The following LY6K variants were observed in gnomAD, a reference collection of about 807,000 sequenced individuals.
LY6K encodes lymphocyte antigen 6 family member K.
In LY6K, 9 loss-of-function variants were observed where a neutral mutation model predicts 10.4. The observed-to-expected ratio is 0.87, with a 90% confidence interval of 0.52 to 1.52. The LOEUF is 1.52. LY6K is among the 40% of genes most tolerant of loss of function. The pLI, the probability that LY6K is intolerant of heterozygous loss-of-function variation, is 0.00. For missense variants in LY6K, 217 were observed against 211.7 expected (o/e 1.02, Z -0.15); for synonymous variants, 98 against 83.7 (o/e 1.17, Z -0.94).
intron 1 of LY6K, 28 bp downstream of exon 1, chr8:142,700,658 C>T (rs1225300831): frequency 8.2e-6 from 12 of 1,471,836 alleles, no homozygotes; most frequent in Non-Finnish European, 1.1e-5. Context: ...TCCACAGCCA[C>T]GGGCCGAGAG....
Position 142,700,622 on chromosome 8 carries a change from A to G in LY6K, c.95A>G (p.Gln32Arg). The G allele has an allele frequency of 6.4e-7, 1 of 1,556,708 alleles. No homozygotes were observed. The highest frequency in any genetic ancestry group is 8.7e-7 in the Non-Finnish European group (1 of 1,153,122). ...AGACAACGAGATCCAGAGGACTCCC[A>G]GCGAACGGGTGAGCCTGGCTCGCCC... The part of the protein sequence containing the change: ...TARQRDPEDS[Q>R]RTDEGDNRVW... Residue 32 changes from glutamine (Q) to arginine (R), a missense_variant, in exon 1 of 3, where the codon CAG (glutamine) becomes CGG (arginine). Gln to Arg is a conservative substitution (Grantham distance 43). Transcript: ENST00000292430.
Position 142,700,480 on chromosome 8 carries a change from G to C in LY6K, c.-48G>C. On this transcript the variant is annotated 5_prime_UTR_variant, in exon 1 of 3. Coordinates refer to ENST00000292430, the MANE Select transcript of LY6K (RefSeq NM_017527.4). ...GAGGCTGCGAAGGTTCCAGAAGGGC[G>C]GGGAGGGGGCGCCGCGCGCTGACCC... The C allele has an allele frequency of 6.5e-7, 1 of 1,538,082 alleles. No individual in the cohort carries two copies. Among genetic ancestry groups the C allele is most frequent in the Non-Finnish European group, 8.7e-7 (1 of 1,144,982 alleles).
rs781807514 is a variant in LY6K, at chr8:142,700,320, C to T, written c.-208C>T. On this transcript the variant is annotated 5_prime_UTR_variant, in exon 1 of 3. Coordinates refer to ENST00000292430, the MANE Select transcript of LY6K (RefSeq NM_017527.4). ...AGCACAAGGCGGGACTCAGAACCGGCGTTCAGGGCCGCCAGCGGCCGCGAG... is the reference window on the plus strand; with the variant it reads ...AGCACAAGGCGGGACTCAGAACCGGTGTTCAGGGCCGCCAGCGGCCGCGAG... The T allele has an allele frequency of 9.2e-6, 12 of 1,299,072 alleles. No individual in the cohort carries two copies. The highest frequency in any genetic ancestry group is 4.2e-5 in the Admixed American group (1 of 23,834). The allele number at this position is 1,299,072 out of a possible 1,614,324, so 80.5% of individuals were successfully genotyped here. A position where few individuals can be genotyped will look rare whatever the true frequency, so the allele number is the denominator to read the frequency against.
Position 142,703,168 on chromosome 8 carries a change from G to C in LY6K, c.295G>C (p.Glu99Gln). 1 of 1,614,242 alleles carries C rather than the reference G, an allele frequency of 6.2e-7. No individual in the cohort carries two copies. Among genetic ancestry groups the C allele is most frequent in the Non-Finnish European group, 8.5e-7 (1 of 1,180,044 alleles). The change falls in exon 3 of 3, where the codon GAG (glutamate) becomes CAG (glutamine). Residue 99 changes from glutamate (E) to glutamine (Q), a missense_variant. Transcript: ENST00000292430. The part of the protein sequence containing the change: ...CAAMERPKPE[E>Q]KRFLLEEPMP... ...AGCGATGGAGAGACCCAAGCCAGAG[G>C]AGAAGCGGTTTCTCCTGGAAGAGCC...
chr8:142,701,018 G>A (rs1815002514), intron 1 of LY6K, among the ~76,000 whole-genome samples: 1 of 151,680 alleles, frequency 6.6e-6, no homozygotes, highest in Non-Finnish European at 1.5e-5. Context: ...GGGAGTCGGG[G>A]GGCAGGACCT....
Position 142,700,159 on chromosome 8 carries a change from C to A in LY6K, c.-369C>A. 1 of 237,916 alleles carries A rather than the reference C, an allele frequency of 4.2e-6. No homozygotes were observed. 14.7% of individuals were successfully genotyped at this position (237,916 alleles called of 1,614,324 possible). A position where few individuals can be genotyped will look rare whatever the true frequency, so the allele number is the denominator to read the frequency against. The stretch of plus-strand genomic sequence containing the variant: ...CTCTTCAGCGGAGAAGATCCCCTAC[C>A]TGGCCGCCGGCCACTTTCTGTGGGC... On this transcript the variant is annotated 5_prime_UTR_variant, in exon 1 of 3. It adds an upstream start codon to the 5' untranslated region. Coordinates refer to ENST00000292430, the MANE Select transcript of LY6K (RefSeq NM_017527.4).
chr8:142,702,621 T>A, intron 2 of LY6K: 1 of 1,534,138 alleles, frequency 6.5e-7, no homozygotes, highest in Non-Finnish European at 8.7e-7. Flanking sequence ...CCACATCGAC[T>A]TTATAACTTA....
chr8:142,702,685 C>G, intron 2 of LY6K: 2 of 1,512,276 alleles, frequency 1.3e-6, no homozygotes, highest in Non-Finnish European at 1.8e-6. Context: ...GGTCATGAGA[C>G]AAGACCCCCA....
rs1554640555 is a variant in LY6K at position 142,703,613 on chromosome 8, A to G, written c.*242A>G. On this transcript the variant is annotated 3_prime_UTR_variant, in exon 3 of 3. Coordinates refer to ENST00000292430, the MANE Select transcript of LY6K (RefSeq NM_017527.4). ...TTGGTGACAAGTTTTTCTCTTTGAAATCAAACCTTGTAACTCATTTATTGC... is the reference window on the plus strand; with the variant it reads ...TTGGTGACAAGTTTTTCTCTTTGAAGTCAAACCTTGTAACTCATTTATTGC... 3.8e-6 allele frequency: 2 copies of G among 533,196 alleles called. No individual in the cohort carries two copies. Among genetic ancestry groups the G allele is most frequent in the Non-Finnish European group, 6.6e-6 (2 of 302,744 alleles). The allele number at this position is 533,196 out of a possible 1,614,324, so 33.0% of individuals were successfully genotyped here. A position where few individuals can be genotyped will look rare whatever the true frequency, so the allele number is the denominator to read the frequency against.
Position 142,704,392 on chromosome 8 carries a change from C to T in LY6K, c.*1021C>T, listed in dbSNP as rs1554640650. On this transcript the variant is annotated 3_prime_UTR_variant, in exon 3 of 3. Coordinates refer to ENST00000292430, the MANE Select transcript of LY6K (RefSeq NM_017527.4). ...TTTAAAATTATAAAACAGAAGTAAC[C>T]AAATCAGGCCTGGAAGGTGTATGCC... 6.6e-6 allele frequency: 1 copy of T among 152,058 alleles called. No individual in the cohort carries two copies. Among genetic ancestry groups the T allele is most frequent in the Non-Finnish European group, 1.5e-5 (1 of 68,002 alleles). 9.4% of individuals were successfully genotyped at this position (152,058 alleles called of 1,614,324 possible). A position where few individuals can be genotyped will look rare whatever the true frequency, so the allele number is the denominator to read the frequency against.
At chr8:142,702,142 C>T (rs1381658428) in intron 2 of LY6K, 1 of 319,290 alleles carries the variant, frequency 3.1e-6, no homozygotes, top group Non-Finnish European at 5.8e-6. Context: ...GAGCAAAGTC[C>T]TCAGAGGCCA....
rs1399397140 is a variant in LY6K at position 142,704,382 on chromosome 8, CAG to C, written c.*1013_*1014del. 1 of 152,080 alleles carries C rather than the reference CAG, an allele frequency of 6.6e-6. No individual in the cohort carries two copies. Among genetic ancestry groups the C allele is most frequent in the Non-Finnish European group, 1.5e-5 (1 of 68,010 alleles). 9.4% of individuals were successfully genotyped at this position (152,080 alleles called of 1,614,324 possible). A position where few individuals can be genotyped will look rare whatever the true frequency, so the allele number is the denominator to read the frequency against. ...TTAAAGATTTTTTAAAATTATAAAA[CAG>C]AAGTAACCAAATCAGGCCTGGAAGG... On this transcript the variant is annotated 3_prime_UTR_variant, in exon 3 of 3. Coordinates refer to ENST00000292430, the MANE Select transcript of LY6K (RefSeq NM_017527.4).
chr8:142,702,728 A>C, intron 2 of LY6K: 1 of 1,491,298 alleles, frequency 6.7e-7, no homozygotes, highest in Non-Finnish European at 9.0e-7. Flanking sequence ...CCAAGAGGCC[A>C]GCTCCACACC....
In LY6K at chr8:142,700,639, G is replaced by A; in HGVS notation, c.103+9G>A. 1.3e-6 allele frequency: 2 copies of A among 1,517,966 alleles called. No homozygotes were observed. The highest frequency in any genetic ancestry group is 1.8e-6 in the Non-Finnish European group (2 of 1,132,156). 94.0% of individuals were successfully genotyped at this position (1,517,966 alleles called of 1,614,324 possible). A position where few individuals can be genotyped will look rare whatever the true frequency, so the allele number is the denominator to read the frequency against. ...GGACTCCCAGCGAACGGGTGAGCCT[G>A]GCTCGCCCTCCACAGCCACGGGCCG... On this transcript the variant is annotated intron_variant, in intron 1 of 2. Transcript: ENST00000292430.
rs1554640335 is a variant in LY6K, at chr8:142,702,613, A to T, written c.218-478A>T. The stretch of plus-strand genomic sequence containing the variant: ...TGATGCTTCAGACTCAGTGTGGCCC[A>T]CATCGACTTTATAACTTAATATGGC... On this transcript the variant is annotated intron_variant, in intron 2 of 2. Coordinates refer to ENST00000292430, the MANE Select transcript of LY6K (RefSeq NM_017527.4). The T allele has an allele frequency of 2.6e-6, 4 of 1,534,736 alleles. No individual in the cohort carries two copies. The African/African-American group carries it at 5.5e-5, about 21-fold the overall frequency.
chr8:142,702,948 C>T (rs1815095985), intron 2 of LY6K, 143 bp from the exon 3 acceptor site: 1 of 1,551,426 alleles, frequency 6.4e-7, no homozygotes. Flanking sequence ...CCCTCGTCCT[C>T]CCGACTCCCC....
rs1407599376 is a variant in LY6K at position 142,704,247 on chromosome 8, G to A, written c.*876G>A. On this transcript the variant is annotated 3_prime_UTR_variant, in exon 3 of 3. Transcript: ENST00000292430. ...CATCAAGGTCGAGACGCTTCTGCAA[G>A]TAATGGTACCAGCCATTCAGTTCAT... The A allele has an allele frequency of 1.3e-5, 2 of 152,224 alleles. No homozygotes were observed. Among genetic ancestry groups the A allele is most frequent in the African/African-American group, 4.8e-5 (2 of 41,450 alleles). 9.4% of individuals were successfully genotyped at this position (152,224 alleles called of 1,614,324 possible). A position where few individuals can be genotyped will look rare whatever the true frequency, so the allele number is the denominator to read the frequency against.
chr8:142,700,484 AG>A lies in LY6K; in HGVS notation c.-39del, dbSNP rs2129915515. 6.5e-7 allele frequency: 1 copy of A among 1,539,610 alleles called. No homozygotes were observed. On this transcript the variant is annotated 5_prime_UTR_variant, in exon 1 of 3. Coordinates refer to ENST00000292430, the MANE Select transcript of LY6K (RefSeq NM_017527.4). The stretch of plus-strand genomic sequence containing the variant: ...CTGCGAAGGTTCCAGAAGGGCGGGG[AG>A]GGGGCGCCGCGCGCTGACCCTCCCT...
rs781856753 is a variant in LY6K, at chr8:142,700,582, G to T, written c.55G>T (p.Ala19Ser). The part of the protein sequence containing the change: ...VVALPRVWTD[A>S]NLTARQRDPE... Reference sequence around the variant, plus strand: ...GGCCCTACCGCGGGTGTGGACAGACGCCAACCTGACTGCGAGACAACGAGA... The same window carrying T: ...GGCCCTACCGCGGGTGTGGACAGACTCCAACCTGACTGCGAGACAACGAGA... Residue 19 changes from alanine (A) to serine (S), a missense_variant, in exon 1 of 3, where the codon GCC (alanine) becomes TCC (serine). By Grantham distance (99) the Ala-to-Ser change is moderately conservative. Transcript: ENST00000292430. 18 of 1,580,160 alleles carry T rather than the reference G, an allele frequency of 1.1e-5. No homozygotes were observed. The highest frequency in any genetic ancestry group is 8.8e-5 in the Admixed American group (5 of 56,600).
Sources: allele counts gnomAD v4.1 joint callset (sites outside exome capture counted in the v4.1 genomes callset), GRCh38; gene constraint gnomAD v4.1.1; transcripts MANE v1.5; gene names NCBI Gene and HGNC (gene_info 2026-07-23, HGNC 2026-07-21).